The following INPP5A variants were observed in gnomAD, a reference collection of about 807,000 sequenced individuals.
The protein encoded by INPP5A is 43 kDa inositol polyphosphate 5-phophatase.
INPP5A carries 14 observed loss-of-function variants against 65.2 expected under a neutral mutation model. That is an observed-to-expected ratio of 0.21 (90% CI 0.14 to 0.34). INPP5A has a LOEUF of 0.34. INPP5A is among the 10% of genes least tolerant of loss of function. The probability of loss-of-function intolerance (pLI) is 1.00; values close to 1 mark genes in which losing one functional copy is unlikely to be tolerated. For synonymous variants in INPP5A, 207 were observed against 208.3 expected, an observed-to-expected ratio of 0.99 and a Z score of 0.05; for missense variants, 431 against 545.6, an observed-to-expected ratio of 0.79 and a Z score of 2.09.
At chr10:132,661,560 T>C (rs964503836) in intron 4 of INPP5A, among the ~76,000 whole-genome samples, 3 of 152,230 alleles carry the variant, frequency 2.0e-5, no homozygotes, top group Non-Finnish European at 4.4e-5. Flanking sequence ...AGAGATATAC[T>C]ATGTTCATGG....
intron 9 of INPP5A, among the ~76,000 whole-genome samples, chr10:132,729,301 C>T (rs927708368): frequency 1.3e-5 from 2 of 152,220 alleles, no homozygotes; most frequent in South Asian, 4.1e-4. Flanking sequence ...GGCCTGCTCC[C>T]CTGGCCTCCC....
At chr10:132,609,477 C>G (rs943942714) in intron 2 of INPP5A, among the ~76,000 whole-genome samples, 1 of 152,190 alleles carries the variant, frequency 6.6e-6, no homozygotes, top group East Asian at 1.9e-4. Context: ...TCGTCCTCTC[C>G]TGGTGTGTCT....
At chr10:132,653,191 A>G (rs932612926) in intron 4 of INPP5A, among the ~76,000 whole-genome samples, 1 of 152,232 alleles carries the variant, frequency 6.6e-6, no homozygotes, top group African/African-American at 2.4e-5. Context: ...GGCAGCCGTC[A>G]TGCTGTAGTT....
At chr10:132,580,223 C>T (rs555357305) in intron 1 of INPP5A, among the ~76,000 whole-genome samples, 5 of 152,278 alleles carry the variant, frequency 3.3e-5, no homozygotes, top group South Asian at 2.1e-4. Flanking sequence ...CCAAATCTCA[C>T]GTCAAATTGT....
At chr10:132,643,680 G>A (rs1316323312) in intron 2 of INPP5A, among the ~76,000 whole-genome samples, 1 of 152,194 alleles carries the variant, frequency 6.6e-6, no homozygotes, top group Non-Finnish European at 1.5e-5. Context: ...TGAGGATGCT[G>A]TGAGTTACTA....
At chr10:132,776,815 C>A (rs372616506) in intron 12 of INPP5A, among the ~76,000 whole-genome samples, 2 of 152,032 alleles carry the variant, frequency 1.3e-5, no homozygotes, top group Admixed American at 1.3e-4. Context: ...GTTCCAGACT[C>A]GGCGGGTAGT....
At chr10:132,670,843 CTTTTTTTTTTT>C (rs11289296) in intron 4 of INPP5A, among the ~76,000 whole-genome samples, 2 of 117,022 alleles carry the variant, frequency 1.7e-5, no homozygotes, top group Admixed American at 8.8e-5. Context: ...GTCTTTCTTT[CTTTTTTTTTTT>C]TTTTTTTTTT....
chr10:132,756,364 G>A (rs1016014571), intron 11 of INPP5A, among the ~76,000 whole-genome samples: 1 of 152,004 alleles, frequency 6.6e-6, no homozygotes, highest in Non-Finnish European at 1.5e-5. Flanking sequence ...GTGTACACGT[G>A]TGCACTCGTG....
chr10:132,677,359 T>C (rs2072980336), intron 4 of INPP5A, among the ~76,000 whole-genome samples: 2 of 152,234 alleles, frequency 1.3e-5, no homozygotes, highest in Non-Finnish European at 2.9e-5. Context: ...ATCTGGTCAC[T>C]CATGTATCTC....
intron 8 of INPP5A, among the ~76,000 whole-genome samples, chr10:132,712,592 ATGTGTGCGCGGGTGTG>A (rs1845662182): frequency 7.2e-6 from 1 of 138,730 alleles, no homozygotes; most frequent in Admixed American, 7.1e-5. Context: ...GTGCGGGTGT[ATGTGTGCGCGGGTGTG>A]TGGGTGCATG....
At chr10:132,713,045 G>T (rs559453288) in intron 8 of INPP5A, among the ~76,000 whole-genome samples, 2 of 151,402 alleles carry the variant, frequency 1.3e-5, no homozygotes, top group Non-Finnish European at 1.5e-5. Flanking sequence ...CGTGTGTGTG[G>T]GTGTGTGTGC....
intron 2 of INPP5A, among the ~76,000 whole-genome samples, chr10:132,610,772 G>A (rs1343072179): frequency 6.6e-6 from 1 of 152,262 alleles, no homozygotes. Flanking sequence ...TGCATCTGCT[G>A]CAGGGTTTGG....
intron 12 of INPP5A, among the ~76,000 whole-genome samples, chr10:132,767,105 G>T (rs1423767143): frequency 8.5e-6 from 1 of 117,088 alleles, no homozygotes; most frequent in African/African-American, 3.4e-5. Context: ...TGGAGGATGC[G>T]GCCTCGGAGC....
chr10:132,546,197 T>C lies in INPP5A; in HGVS notation c.75+8026T>C, dbSNP rs1022632548. Reference sequence around the variant, plus strand: ...TGGGTGGGTTGGGGCTGGACACCACTTCTGGGGCAGGTCTAGGGTGATGGC... The same window carrying C: ...TGGGTGGGTTGGGGCTGGACACCACCTCTGGGGCAGGTCTAGGGTGATGGC... On this transcript the variant is annotated intron_variant, in intron 1 of 15. Coordinates refer to ENST00000368594, the MANE Select transcript of INPP5A (RefSeq NM_005539.5). The surrounding 1 kb of genome is among the most constrained non-coding windows in gnomAD (Gnocchi z 5.7). Among the ~76,000 whole-genome samples the C allele has an allele frequency of 1.3e-5, 2 of 152,206 alleles. No homozygotes were observed. The highest frequency in any genetic ancestry group is 4.8e-5 in the African/African-American group (2 of 41,454).
intron 2 of INPP5A, among the ~76,000 whole-genome samples, chr10:132,643,990 A>T (rs2072460448): frequency 6.6e-6 from 1 of 152,050 alleles, no homozygotes; most frequent in Non-Finnish European, 1.5e-5. Flanking sequence ...ACCCTCGGAC[A>T]CCACAACAAA....
chr10:132,583,435 C>T (rs143732374), intron 1 of INPP5A, among the ~76,000 whole-genome samples: 6 of 152,212 alleles, frequency 3.9e-5, no homozygotes, highest in East Asian at 3.9e-4. Flanking sequence ...CCTTTGGCAT[C>T]GGGTGAGTCG....
Position 132,782,372 on chromosome 10 carries a change from T to G in INPP5A, c.*343T>G. Reference sequence around the variant, plus strand: ...TTTTAATGATTGCCAGTGGAGGGGCTTCTTCAGCACAGAGACCCCCCACTG... The same window carrying G: ...TTTTAATGATTGCCAGTGGAGGGGCGTCTTCAGCACAGAGACCCCCCACTG... On this transcript the variant is annotated 3_prime_UTR_variant, in exon 16 of 16. Transcript: ENST00000368594. This position sits in a 1 kb window ranked among gnomAD's most constrained non-coding sequence, Gnocchi z 4.4. 1 of 331,366 alleles carries G rather than the reference T, an allele frequency of 3.0e-6. No individual in the cohort carries two copies. Among genetic ancestry groups the G allele is most frequent in the Non-Finnish European group, 5.8e-6 (1 of 171,054 alleles). The allele number at this position is 331,366 out of a possible 1,614,324, so 20.5% of individuals were successfully genotyped here. A position where few individuals can be genotyped will look rare whatever the true frequency, so the allele number is the denominator to read the frequency against.
chr10:132,753,406 G>A lies in INPP5A; in HGVS notation c.903+3561G>A, dbSNP rs1282678288. On this transcript the variant is annotated intron_variant, in intron 11 of 15. Transcript: ENST00000368594. The surrounding 1 kb of genome is among the most constrained non-coding windows in gnomAD (Gnocchi z 5.3). ...GCATCCTTCATCAACCGCCGGTCTT[G>A]TACCCGTCTGACAGAAATTTAATTC... is the stretch of plus-strand genomic sequence containing the variant. 6.6e-6 allele frequency among the ~76,000 whole-genome samples: 1 copy of A among 152,178 alleles called. No individual in the cohort carries two copies. Among genetic ancestry groups the A allele is most frequent in the African/African-American group, 2.4e-5 (1 of 41,434 alleles).
chr10:132,596,231 G>A (rs372171572), intron 1 of INPP5A, among the ~76,000 whole-genome samples: 1 of 152,198 alleles, frequency 6.6e-6, no homozygotes, highest in African/African-American at 2.4e-5. Context: ...CTACATGGAC[G>A]TGGCATGGCG....
Sources: gnomAD v4.1 joint callset for allele counts (sites outside exome capture counted in the v4.1 genomes callset) on GRCh38, gnomAD v4.1.1 for gene constraint, Gnocchi (gnomAD v3.1) non-coding constraint, MANE v1.5 for transcripts, NCBI Gene and HGNC (gene_info 2026-07-23, HGNC 2026-07-21) for gene names.